CSMD3: variants seen among roughly 807,000 people sequenced by gnomAD.
CSMD3 encodes CUB and Sushi multiple domains 3.
A neutral mutation model predicts 435.2 loss-of-function variants in CSMD3; 177 were observed. That is an observed-to-expected ratio of 0.41 (90% CI 0.36 to 0.46). The LOEUF (loss-of-function observed/expected upper bound fraction) is 0.46. CSMD3 is among the 20% of genes least tolerant of loss of function. CSMD3 has a pLI of 0.34. For missense variants in CSMD3, 4,265 were observed against 4,504.6 expected, an observed-to-expected ratio of 0.95 and a Z score of 1.52; for synonymous variants, 1,656 against 1,520.5, an observed-to-expected ratio of 1.09 and a Z score of -2.07.
chr8:112,710,209 C>T (rs1450513046), intron 13 of CSMD3, among the ~76,000 whole-genome samples: 1 of 152,008 alleles, frequency 6.6e-6, no homozygotes, highest in Non-Finnish European at 1.5e-5. Context: ...GATGGTCACC[C>T]CAATTATAGG....
At chr8:112,225,490 A>C (rs912938119) in intron 70 of CSMD3, among the ~76,000 whole-genome samples, 1 of 152,182 alleles carries the variant, frequency 6.6e-6, no homozygotes, top group Non-Finnish European at 1.5e-5. Context: ...GTTAATATGA[A>C]AAGTAACTGG....
rs1819881613 is a variant in CSMD3, at chr8:112,292,662, C to G, written c.8663G>C (p.Gly2888Ala). ...CACATCATTAAAGTTGAACCCATTT[C>G]CACTTGTTCTTCCATAAATTGGACT... is the stretch of plus-strand genomic sequence containing the variant. ...PGSPIYGRTS[G>A]NGFNFNDVVT... The change falls in exon 55 of 71, where the codon GGA becomes GCA. Residue 2888 changes from glycine (G) to alanine (A), a missense_variant. Physicochemically the swap from Gly to Ala is moderately conservative, Grantham distance 60. Around this residue, in one of 3 missense-constraint regions of CSMD3, gnomAD observed 3,255 missense variants for 3,380.2 expected, o/e 0.96. Coordinates refer to ENST00000297405, the MANE Select transcript of CSMD3 (RefSeq NM_198123.2). The G allele has an allele frequency of 1.2e-6, 2 of 1,613,812 alleles. No individual in the cohort carries two copies. Among genetic ancestry groups the G allele is most frequent in the Non-Finnish European group, 1.7e-6 (2 of 1,179,810 alleles).
At chr8:112,532,239 G>A (rs1825613326) in intron 27 of CSMD3, among the ~76,000 whole-genome samples, 1 of 151,634 alleles carries the variant, frequency 6.6e-6, no homozygotes, top group Non-Finnish European at 1.5e-5. Flanking sequence ...CTTCAAGAAG[G>A]CAAATCTAAG....
At chr8:113,315,181 T>G (rs1174769495) in intron 1 of CSMD3, among the ~76,000 whole-genome samples, 1 of 152,184 alleles carries the variant, frequency 6.6e-6, no homozygotes, top group Non-Finnish European at 1.5e-5. Context: ...AAGATCTTTG[T>G]ATGCATTTTG....
intron 1 of CSMD3, among the ~76,000 whole-genome samples, chr8:113,331,305 T>C (rs1197948881): frequency 2.0e-5 from 3 of 150,576 alleles, no homozygotes; most frequent in Non-Finnish European, 4.5e-5. Flanking sequence ...AAAAAAAAAA[T>C]TGTAAAAAGA....
At chr8:112,796,577 G>A (rs952458877) in intron 13 of CSMD3, among the ~76,000 whole-genome samples, 1 of 151,966 alleles carries the variant, frequency 6.6e-6, no homozygotes, top group African/African-American at 2.4e-5. Flanking sequence ...TATCCAAAAA[G>A]TAGCTCAATG....
intron 10 of CSMD3, among the ~76,000 whole-genome samples, chr8:112,914,134 A>C (rs2082508877): frequency 3.9e-5 from 6 of 151,980 alleles, no homozygotes; most frequent in Admixed American, 3.9e-4. Flanking sequence ...AAAATGACCA[A>C]GTGGTATTTT....
intron 1 of CSMD3, among the ~76,000 whole-genome samples, chr8:113,424,883 G>T (rs952844587): frequency 2.0e-5 from 3 of 151,590 alleles, no homozygotes; most frequent in South Asian, 2.1e-4. Context: ...TATAAATAAA[G>T]GTGGTGTCAA....
intron 42 of CSMD3, among the ~76,000 whole-genome samples, chr8:112,338,760 C>T (rs1824811002): frequency 6.6e-6 from 1 of 151,930 alleles, no homozygotes; most frequent in African/African-American, 2.4e-5. Context: ...AATTGATATT[C>T]TACACAAAAA....
chr8:112,864,468 C>G (rs1318857171), intron 10 of CSMD3, among the ~76,000 whole-genome samples: 1 of 152,150 alleles, frequency 6.6e-6, no homozygotes, highest in South Asian at 2.1e-4. Context: ...CCAGGCTGGT[C>G]TTGAACTCCT....
chr8:112,289,297 C>G (rs115756975), intron 57 of CSMD3, 68 bp downstream of exon 57: 1 of 1,237,946 alleles, frequency 8.1e-7, no homozygotes, highest in Non-Finnish European at 1.2e-6. Context: ...TTTGTGTATA[C>G]GTTGCTACTA....
intron 22 of CSMD3, among the ~76,000 whole-genome samples, chr8:112,591,899 T>TTAGGC (rs1290377584): frequency 6.6e-6 from 1 of 151,990 alleles, no homozygotes; most frequent in African/African-American, 2.4e-5. Context: ...TTTCATTAAG[T>TTAGGC]TAGGACACCA....
intron 45 of CSMD3, among the ~76,000 whole-genome samples, chr8:112,321,063 G>T (rs891793597): frequency 5.9e-5 from 9 of 152,000 alleles, no homozygotes; most frequent in African/African-American, 2.2e-4. Flanking sequence ...TCATTTGCTT[G>T]ATTGAAGTCT....
chr8:112,755,918 T>C (rs2077686996), intron 13 of CSMD3, among the ~76,000 whole-genome samples: 1 of 151,164 alleles, frequency 6.6e-6, no homozygotes, highest in South Asian at 2.1e-4. Context: ...AGTTTTATTT[T>C]ATTTTATTTT....
intron 3 of CSMD3, among the ~76,000 whole-genome samples, chr8:113,200,890 G>C (rs1045543920): frequency 2.0e-5 from 3 of 151,824 alleles, no homozygotes; most frequent in Admixed American, 6.6e-5. Flanking sequence ...ATAACTATTT[G>C]TTCATTAATG....
intron 4 of CSMD3, among the ~76,000 whole-genome samples, chr8:113,147,926 T>C (rs532596407): frequency 6.6e-6 from 1 of 151,862 alleles, no homozygotes; most frequent in Admixed American, 6.6e-5. Context: ...GTGTCTCTTG[T>C]TTAGAACACT....
chr8:112,518,657 G>GA (rs1823955868), intron 27 of CSMD3, among the ~76,000 whole-genome samples: 3 of 130,054 alleles, frequency 2.3e-5, no homozygotes, highest in African/African-American at 8.3e-5. Context: ...AGAGAGAGAG[G>GA]GAAACTTACT....
At chr8:112,435,849 G>A (rs1814274743) in intron 32 of CSMD3, among the ~76,000 whole-genome samples, 1 of 151,860 alleles carries the variant, frequency 6.6e-6, no homozygotes, top group South Asian at 2.1e-4. Flanking sequence ...ACTGCTAATT[G>A]GTAGAGATAC....
At chr8:112,674,723 T>A (rs1039721768) in intron 16 of CSMD3, among the ~76,000 whole-genome samples, 2 of 152,150 alleles carry the variant, frequency 1.3e-5, no homozygotes, top group African/African-American at 4.8e-5. Flanking sequence ...AGAAGGTAGA[T>A]CAGCAAGCTC....
Sources: gnomAD v4.1 joint callset for allele counts (sites outside exome capture counted in the v4.1 genomes callset) on GRCh38, gnomAD v4.1.1 for gene constraint, gnomAD v4.1.1 regional missense constraint, MANE v1.5 for transcripts, NCBI Gene and HGNC (gene_info 2026-07-23, HGNC 2026-07-21) for gene names.